Variants in HFM1 observed in about 807,000 individuals in gnomAD.
The protein encoded by HFM1 is helicase for meiosis 1.
HFM1 carries 169 observed loss-of-function variants against 192.1 expected under a neutral mutation model. The observed-to-expected ratio is 0.88, with a 90% confidence interval of 0.78 to 1.00. The LOEUF (loss-of-function observed/expected upper bound fraction) is 1.00. Ranked by LOEUF, HFM1 falls within the 50% of genes least tolerant of loss-of-function variation. The probability of loss-of-function intolerance (pLI) is 0.00; values close to 1 mark genes in which losing one functional copy is unlikely to be tolerated. For missense variants in HFM1, 1,661 were observed against 1,668.0 expected (o/e 1.00, Z 0.07); for synonymous variants, 525 against 537.8 (o/e 0.98, Z 0.33).
chr1:91,385,400 T>C (rs896652565), intron 5 of HFM1, among the ~76,000 whole-genome samples, 166 bp from the exon 6 acceptor site: 2 of 152,148 alleles, frequency 1.3e-5, no homozygotes, highest in African/African-American at 4.8e-5. Flanking sequence ...GCACACAGGA[T>C]AAAATATTTT....
At chr1:91,270,246 A>G (rs559498926) in intron 34 of HFM1, among the ~76,000 whole-genome samples, 117 of 152,276 alleles carry the variant, frequency 7.7e-4, no homozygotes, top group African/African-American at 2.7e-3. Context: ...CAAAATAATT[A>G]AGATTTGGTG....
At chr1:91,307,089 G>T (rs796793157) in intron 30 of HFM1, among the ~76,000 whole-genome samples, 24 of 151,810 alleles carry the variant, frequency 1.6e-4, no homozygotes, top group African/African-American at 4.1e-4. Context: ...TCTTTCTCTT[G>T]ATCAGTCTTC....
intron 4 of HFM1, among the ~76,000 whole-genome samples, chr1:91,390,362 G>T (rs939284006): frequency 6.6e-6 from 1 of 151,714 alleles, no homozygotes; most frequent in East Asian, 1.9e-4. Context: ...CCTGAACCTG[G>T]GAGGCAGAGG....
In HFM1 at chr1:91,404,759, CCCCACCTTCCCCGCGGGCGTCCGGG is replaced by C. The variant is rs1260762633; in HGVS notation, c.-28+14_-28+38del. ...TTCCCCGCGGGCGTCGGGCCCCCGT[CCCCACCTTCCCCGCGGGCGTCCGGG>C]CCCCTCTCCTCACCTCCCTGCGGAC... On this transcript the variant is annotated intron_variant, in intron 1 of 38. Coordinates refer to ENST00000370425, the MANE Select transcript of HFM1 (RefSeq NM_001017975.6). The C allele has an allele frequency of 2.3e-6, 1 of 426,536 alleles. No individual in the cohort carries two copies. The highest frequency in any genetic ancestry group is 4.7e-6 in the Non-Finnish European group (1 of 211,184). The allele number at this position is 426,536 out of a possible 1,614,324, so 26.4% of individuals were successfully genotyped here. A position where few individuals can be genotyped will look rare whatever the true frequency, so the allele number is the denominator to read the frequency against.
chr1:91,399,035 G>A (rs1664000340), intron 2 of HFM1, among the ~76,000 whole-genome samples: 1 of 151,516 alleles, frequency 6.6e-6, no homozygotes, highest in Non-Finnish European at 1.5e-5. Flanking sequence ...GCTTGCCCCT[G>A]TGCCCTGCCC....
chr1:91,316,360 G>A, intron 26 of HFM1, 31 bp downstream of exon 26: 3 of 1,265,018 alleles, frequency 2.4e-6, no homozygotes, highest in Non-Finnish European at 3.4e-6. Flanking sequence ...TCAGAATTTA[G>A]ATGGAATTAG....
At chr1:91,355,494 G>A (rs1657600120) in intron 13 of HFM1, among the ~76,000 whole-genome samples, 1 of 151,052 alleles carries the variant, frequency 6.6e-6, no homozygotes, top group Admixed American at 6.6e-5. Context: ...TAGCTATAAG[G>A]ACACCGGCTG....
At chr1:91,346,163 T>C (rs1268270372) in intron 19 of HFM1, among the ~76,000 whole-genome samples, 1 of 152,220 alleles carries the variant, frequency 6.6e-6, no homozygotes, top group Non-Finnish European at 1.5e-5. Context: ...TATTCAGTTA[T>C]ATTTAGCTAT....
intron 23 of HFM1, among the ~76,000 whole-genome samples, 154 bp from the exon 24 acceptor site, chr1:91,319,544 CAAT>C (rs934784004): frequency 3.3e-5 from 5 of 152,136 alleles, no homozygotes; most frequent in African/African-American, 1.2e-4. Context: ...TATTGCAGGT[CAAT>C]AATAAAAGTT....
intron 23 of HFM1, among the ~76,000 whole-genome samples, chr1:91,319,923 A>C (rs1161257474): frequency 6.6e-6 from 1 of 152,232 alleles, no homozygotes; most frequent in Non-Finnish European, 1.5e-5. Context: ...TCAGTAGCAT[A>C]TTAGCTGGTT....
At chr1:91,297,024 G>C (rs1276252887) in intron 30 of HFM1, among the ~76,000 whole-genome samples, 2 of 152,352 alleles carry the variant, frequency 1.3e-5, no homozygotes, top group Non-Finnish European at 2.9e-5. Context: ...CAAGGGGTCA[G>C]GGAATTCCCT....
intron 30 of HFM1, among the ~76,000 whole-genome samples, chr1:91,291,294 T>C (rs1012668982): frequency 2.6e-5 from 4 of 152,060 alleles, no homozygotes; most frequent in Admixed American, 6.5e-5. Flanking sequence ...ACAAAATTGA[T>C]AGACCGCTAG....
intron 13 of HFM1, among the ~76,000 whole-genome samples, chr1:91,364,804 T>C (rs888510210): frequency 1.1e-4 from 17 of 151,098 alleles, no homozygotes; most frequent in African/African-American, 3.9e-4. Flanking sequence ...CGGCTAATTT[T>C]TTGTATTTTT....
chr1:91,269,348 C>A (rs1595868), intron 34 of HFM1, among the ~76,000 whole-genome samples: 104,264 of 151,660 alleles, frequency 0.69, 36,056 homozygotes, highest in East Asian at 0.84. Flanking sequence ...TTGTTTTTAA[C>A]ATAATTTAAT....
chr1:91,377,942 A>T (rs1001455119), intron 11 of HFM1, 83 bp downstream of exon 11: 1 of 1,272,650 alleles, frequency 7.9e-7, no homozygotes, highest in Non-Finnish European at 1.1e-6. Context: ...GGACAAAAAA[A>T]TTCACTTTTC....
At chr1:91,269,965 G>A (rs972003821) in intron 34 of HFM1, among the ~76,000 whole-genome samples, 1 of 152,136 alleles carries the variant, frequency 6.6e-6, no homozygotes, top group Non-Finnish European at 1.5e-5. Flanking sequence ...GCTAGATCAC[G>A]TTGAAGCTTA....
chr1:91,278,734 C>T (rs1464970587), intron 30 of HFM1, among the ~76,000 whole-genome samples: 1 of 152,046 alleles, frequency 6.6e-6, no homozygotes, highest in African/African-American at 2.4e-5. Context: ...TAGAGCTGAA[C>T]AGATCAATGT....
At chr1:91,289,681 GA>G (rs1175261301) in intron 30 of HFM1, among the ~76,000 whole-genome samples, 1 of 152,108 alleles carries the variant, frequency 6.6e-6, no homozygotes, top group Non-Finnish European at 1.5e-5. Flanking sequence ...CCAACACAGC[GA>G]AACCCCGTCT....
intron 21 of HFM1, among the ~76,000 whole-genome samples, 163 bp from the exon 22 acceptor site, chr1:91,323,362 G>A (rs2101349330): frequency 6.6e-6 from 1 of 151,992 alleles, no homozygotes; most frequent in East Asian, 1.9e-4. Context: ...CTTCTTTAAG[G>A]ATTCATTCAT....
Sources: allele counts gnomAD v4.1 joint callset (sites outside exome capture counted in the v4.1 genomes callset), GRCh38; gene constraint gnomAD v4.1.1; transcripts MANE v1.5; gene names NCBI Gene and HGNC (gene_info 2026-07-23, HGNC 2026-07-21).